Variants in GOLGA7B observed in about 807,000 individuals in gnomAD.
GOLGA7B encodes golgin A7 family member B.
A neutral mutation model predicts 21.5 loss-of-function variants in GOLGA7B; 17 were observed. The ratio of observed to expected loss-of-function variants is 0.79; its 90% CI spans 0.54 to 1.19. The LOEUF (loss-of-function observed/expected upper bound fraction) is 1.19, where lower values mean the gene tolerates loss of function less well. Ranked by LOEUF, GOLGA7B falls within the 50% of genes most tolerant of loss-of-function variation. The pLI is 0.00. For missense variants in GOLGA7B, 169 were observed against 224.4 expected (o/e 0.75, Z 1.58); for synonymous variants, 87 against 84.0 (o/e 1.04, Z -0.19).
intron 2 of GOLGA7B, among the ~76,000 whole-genome samples, chr10:97,862,196 T>C (rs1784682605): frequency 6.6e-6 from 1 of 152,216 alleles, no homozygotes; most frequent in Non-Finnish European, 1.5e-5. Flanking sequence ...TAAGTATTTA[T>C]TGATTATGTA....
At position 97,863,369 on chromosome 10, in the gene GOLGA7B, C is replaced by T. The variant is rs191445582; in HGVS notation, c.139-561C>T. On this transcript the variant is annotated intron_variant, in intron 2 of 4. Coordinates refer to ENST00000370602, the MANE Select transcript of GOLGA7B (RefSeq NM_001010917.3). Reference sequence around the variant, plus strand: ...TATGGATACGGGCAGGACAGCTTCTCAGGTGTCCAAACACACAGGGTGGTG... The same window carrying T: ...TATGGATACGGGCAGGACAGCTTCTTAGGTGTCCAAACACACAGGGTGGTG... Among the ~76,000 whole-genome samples, 389 of 152,274 alleles carry T rather than the reference C, an allele frequency of 2.6e-3. 1 individual carries two copies. The highest frequency in any genetic ancestry group is 3.7e-3 in the Non-Finnish European group (255 of 68,014).
At chr10:97,850,343 A>T in intron 1 of GOLGA7B, 28 bp downstream of exon 1, 1 of 1,509,540 alleles carries the variant, frequency 6.6e-7, no homozygotes, top group South Asian at 1.2e-5. Flanking sequence ...ACCCGCAGGC[A>T]GTGCCCGATT....
rs1466835263 is a variant in GOLGA7B, at chr10:97,863,972, G to A, written c.181G>A (p.Gly61Arg). 9 of 1,614,158 alleles carry A rather than the reference G, an allele frequency of 5.6e-6. No individual in the cohort carries two copies. Among genetic ancestry groups the A allele is most frequent in the African/African-American group, 1.3e-5 (1 of 75,060 alleles). ...TGAAGAGACTGTGAAGACCCTCAAC[G>A]GATTTTACGCAGAGGCTGAGAAGAT... ...LFEETVKTLN[G>R]FYAEAEKIGG... The change falls in exon 3 of 5, where the codon GGA becomes AGA. Residue 61 changes from glycine to arginine, a missense_variant. By Grantham distance (125) the Gly-to-Arg change is moderately radical. Coordinates refer to ENST00000370602, the MANE Select transcript of GOLGA7B (RefSeq NM_001010917.3).
At chr10:97,853,906 G>A (rs1369754169) in intron 1 of GOLGA7B, among the ~76,000 whole-genome samples, 3 of 152,232 alleles carry the variant, frequency 2.0e-5, no homozygotes, top group Non-Finnish European at 4.4e-5. Context: ...TTATTTAGAG[G>A]TCTTAAACTA....
intron 4 of GOLGA7B, among the ~76,000 whole-genome samples, chr10:97,864,594 T>G (rs1179361205): frequency 6.6e-6 from 1 of 152,210 alleles, no homozygotes; most frequent in East Asian, 1.9e-4. Flanking sequence ...AGCAACCTGC[T>G]TAGAGTCGTG....
Position 97,859,474 on chromosome 10 carries a change from A to G in GOLGA7B, c.29A>G (p.Glu10Gly). The part of the protein sequence containing the change: MATEVHNLQ[E>G]LRRSASLATK... ...TCTCCTCAGGTCCACAATCTGCAGG[A>G]GCTCCGGCGAAGTGCCTCACTGGCC... Residue 10 changes from glutamate to glycine, a missense_variant, in exon 2 of 5, where the codon GAG (glutamate) becomes GGG (glycine). Transcript: ENST00000370602. The G allele has an allele frequency of 6.2e-7, 1 of 1,614,082 alleles. No individual in the cohort carries two copies. The highest frequency in any genetic ancestry group is 1.3e-5 in the African/African-American group (1 of 75,028).
chr10:97,850,538 C>G (rs898876704), intron 1 of GOLGA7B, among the ~76,000 whole-genome samples: 4 of 152,194 alleles, frequency 2.6e-5, no homozygotes, highest in Non-Finnish European at 5.9e-5. Flanking sequence ...GTCCGCGACA[C>G]TTGTTGGCAT....
At chr10:97,864,665 C>T (rs779130858) in intron 4 of GOLGA7B, among the ~76,000 whole-genome samples, 2 of 152,174 alleles carry the variant, frequency 1.3e-5, no homozygotes, top group Non-Finnish European at 2.9e-5. Flanking sequence ...ACAAAGACCC[C>T]TCCAGGAATA....
chr10:97,863,897 C>A, intron 2 of GOLGA7B, 33 bp from the exon 3 acceptor site: 1 of 1,589,368 alleles, frequency 6.3e-7, no homozygotes, highest in Non-Finnish European at 8.6e-7. Context: ...TCCAGGGAGG[C>A]TAACCGCAGC....
Position 97,866,455 on chromosome 10 carries a change from A to T in GOLGA7B, c.*755A>T, listed in dbSNP as rs1007307899. On this transcript the variant is annotated 3_prime_UTR_variant, in exon 5 of 5. Coordinates refer to ENST00000370602, the MANE Select transcript of GOLGA7B (RefSeq NM_001010917.3). ...GGAAACTCCGTGAAGAGACATAGCC[A>T]TGCGGGGCCTGAATCTCCTGAACTA... 1 of 152,240 alleles carries T rather than the reference A, an allele frequency of 6.6e-6. No individual in the cohort carries two copies. The highest frequency in any genetic ancestry group is 2.4e-5 in the African/African-American group (1 of 41,462). The allele number at this position is 152,240 out of a possible 1,614,324, so 9.4% of individuals were successfully genotyped here.
intron 4 of GOLGA7B, 97 bp downstream of exon 4, chr10:97,864,366 C>T: frequency 1.1e-6 from 1 of 941,218 alleles, no homozygotes; most frequent in Non-Finnish European, 1.7e-6. Context: ...TTAGGGGCCT[C>T]CACTCAGGTT....
chr10:97,864,134 C>T, intron 3 of GOLGA7B, 34 bp from the exon 4 acceptor site: 1 of 1,613,410 alleles, frequency 6.2e-7, no homozygotes, highest in African/African-American at 1.3e-5. Flanking sequence ...TGCCCTGTGG[C>T]ATGCTCATCC....
rs1339349911 is a variant in GOLGA7B at position 97,869,636 on chromosome 10, A to C, written c.*3936A>C. On this transcript the variant is annotated 3_prime_UTR_variant, in exon 5 of 5. Transcript: ENST00000370602. ...GAAGCTCGAGGTGCCACTGAGTGGC[A>C]GGATTATGCACTGCACTCGGGGAAT... 6.6e-6 allele frequency: 1 copy of C among 152,300 alleles called. No individual in the cohort carries two copies. Among genetic ancestry groups the C allele is most frequent in the African/African-American group, 2.4e-5 (1 of 41,476 alleles). 9.4% of individuals were successfully genotyped at this position (152,300 alleles called of 1,614,324 possible).
chr10:97,854,399 C>T (rs2049922787), intron 1 of GOLGA7B, among the ~76,000 whole-genome samples: 1 of 152,246 alleles, frequency 6.6e-6, no homozygotes, highest in Non-Finnish European at 1.5e-5. Context: ...TGGCACTTCA[C>T]ACTCAAGCCA....
At position 97,863,920 on chromosome 10, in the gene GOLGA7B, C is replaced by G; in HGVS notation, c.139-10C>G. On this transcript the variant is annotated splice_polypyrimidine_tract_variant and intron_variant, in intron 2 of 4. Transcript: ENST00000370602. ...GGCTAACCGCAGCCTGGCTCTGTCC[C>G]TTTCTCCAGATCGAGCGGCAGCTCT... 6.2e-7 allele frequency: 1 copy of G among 1,608,046 alleles called. No homozygotes were observed. The highest frequency in any genetic ancestry group is 1.1e-5 in the South Asian group (1 of 89,594).
At position 97,864,203 on chromosome 10, in the gene GOLGA7B, G is replaced by A; in HGVS notation, c.327G>A (p.Gln109=). Residue 109 remains glutamine (Q), a synonymous_variant, in exon 4 of 5, where the codon CAG becomes CAA. Coordinates refer to ENST00000370602, the MANE Select transcript of GOLGA7B (RefSeq NM_001010917.3). ...AGATTTCCCGCTACATCCAGGAGCA[G>A]AATGAGAAGATCTTTGCACCTCGAG... ...LKKISRYIQE[Q]NEKIFAPRGL... 1 of 1,614,196 alleles carries A rather than the reference G, an allele frequency of 6.2e-7. No homozygotes were observed.
intron 2 of GOLGA7B, among the ~76,000 whole-genome samples, chr10:97,863,356 C>A (rs2049983751): frequency 6.6e-6 from 1 of 152,118 alleles, no homozygotes; most frequent in African/African-American, 2.4e-5. Flanking sequence ...TGGATACGGG[C>A]AGGACAGCTT....
At chr10:97,856,049 T>G (rs2049933325) in intron 1 of GOLGA7B, among the ~76,000 whole-genome samples, 1 of 152,238 alleles carries the variant, frequency 6.6e-6, no homozygotes, top group Non-Finnish European at 1.5e-5. Flanking sequence ...TCCTAGTTAT[T>G]TATTATTTCC....
rs2049989600 is a variant in GOLGA7B at position 97,863,983 on chromosome 10, A to C, written c.192A>C (p.Ala64=). Residue 64 remains alanine (A), a synonymous_variant, in exon 3 of 5, where the codon GCA becomes GCC. Transcript: ENST00000370602. The stretch of plus-strand genomic sequence containing the variant: ...TGAAGACCCTCAACGGATTTTACGC[A>C]GAGGCTGAGAAGATTGGGGGCAGCT... ...ETVKTLNGFY[A]EAEKIGGSSY... 2 of 1,614,072 alleles carry C rather than the reference A, an allele frequency of 1.2e-6. No individual in the cohort carries two copies. The highest frequency in any genetic ancestry group is 2.7e-5 in the African/African-American group (2 of 74,948).
Sources: allele counts gnomAD v4.1 joint callset (sites outside exome capture counted in the v4.1 genomes callset), GRCh38; gene constraint gnomAD v4.1.1; transcripts MANE v1.5; gene names NCBI Gene and HGNC (gene_info 2026-07-23, HGNC 2026-07-21).